The following CTIF variants were observed in gnomAD, a reference collection of about 807,000 sequenced individuals.
CTIF encodes cap binding complex dependent translation initiation factor, also known as CBP80/20-dependent translation initiation factor.
CTIF carries 21 observed loss-of-function variants against 66.0 expected under a neutral mutation model. The ratio of observed to expected loss-of-function variants is 0.32; its 90% CI spans 0.23 to 0.46. CTIF has a LOEUF of 0.46. CTIF is among the 20% of genes least tolerant of loss of function. CTIF has a pLI of 1.00. For missense variants in CTIF, 739 were observed against 812.7 expected, an observed-to-expected ratio of 0.91 and a Z score of 1.10; for synonymous variants, 345 against 326.4, an observed-to-expected ratio of 1.06 and a Z score of -0.62.
intron 3 of CTIF, among the ~76,000 whole-genome samples, chr18:48,657,889 G>T (rs1193698415): frequency 6.6e-6 from 1 of 152,168 alleles, no homozygotes; most frequent in Non-Finnish European, 1.5e-5. Context: ...GCCGAGCTTG[G>T]GTCCCCTTCT....
chr18:48,636,338 G>A (rs2090821537), intron 2 of CTIF, among the ~76,000 whole-genome samples: 1 of 152,248 alleles, frequency 6.6e-6, no homozygotes, highest in African/African-American at 2.4e-5. Flanking sequence ...ATATCTGGCT[G>A]ACTTTGGGAT....
intron 2 of CTIF, among the ~76,000 whole-genome samples, chr18:48,629,390 G>A (rs2090661785): frequency 6.6e-6 from 1 of 152,092 alleles, no homozygotes; most frequent in African/African-American, 2.4e-5. Context: ...TACTACATTT[G>A]TACCCACACT....
In CTIF at chr18:48,742,151, G is replaced by C. The variant is rs144855221; in HGVS notation, c.585-15768G>C. Reference sequence around the variant, plus strand: ...TAGGAAAAGGTCCTGGGACAGACAGGGCTTTTCTCATGGGCCAGGGTGACC... The same window carrying C: ...TAGGAAAAGGTCCTGGGACAGACAGCGCTTTTCTCATGGGCCAGGGTGACC... On this transcript the variant is annotated intron_variant, in intron 7 of 11. Coordinates refer to ENST00000256413, the MANE Select transcript of CTIF (RefSeq NM_014772.3). Among the ~76,000 whole-genome samples the C allele has an allele frequency of 3.6e-3, 542 of 152,304 alleles. 4 individuals carry two copies. Among genetic ancestry groups the C allele is most frequent in the Non-Finnish European group, 3.3e-3 (226 of 68,036 alleles).
intron 1 of CTIF, among the ~76,000 whole-genome samples, chr18:48,591,895 G>A (rs971203915): frequency 6.6e-6 from 1 of 152,224 alleles, no homozygotes; most frequent in Admixed American, 6.5e-5. Flanking sequence ...CTGCAGGCAT[G>A]CACCACCATG....
intron 1 of CTIF, among the ~76,000 whole-genome samples, chr18:48,589,656 C>A (rs978826873): frequency 4.6e-5 from 7 of 152,180 alleles, no homozygotes; most frequent in Non-Finnish European, 7.4e-5. Context: ...CACTGGTTCA[C>A]CTTGTGGGTG....
chr18:48,688,659 G>C (rs2091881147), intron 6 of CTIF, among the ~76,000 whole-genome samples: 1 of 152,244 alleles, frequency 6.6e-6, no homozygotes, highest in Admixed American at 6.5e-5. Context: ...CTCAGCCACT[G>C]ACTTGGGGCC....
chr18:48,655,545 G>A (rs1488286072), intron 3 of CTIF, among the ~76,000 whole-genome samples: 1 of 152,222 alleles, frequency 6.6e-6, no homozygotes, highest in Non-Finnish European at 1.5e-5. Flanking sequence ...TGAGAAGGGT[G>A]TGGACTGGGA....
chr18:48,564,849 G>A (rs1449304585), intron 1 of CTIF: 4 of 151,960 alleles, frequency 2.6e-5, no homozygotes, highest in Non-Finnish European at 5.9e-5. Context: ...GAACCCCTGG[G>A]CCCCAGCAAT....
intron 7 of CTIF, among the ~76,000 whole-genome samples, chr18:48,748,236 T>A (rs920500828): frequency 6.6e-6 from 1 of 151,834 alleles, no homozygotes; most frequent in African/African-American, 2.4e-5. Context: ...CTGCTCAACC[T>A]CTCCCAAGGG....
At chr18:48,633,920 C>T (rs938319949) in intron 2 of CTIF, among the ~76,000 whole-genome samples, 8 of 152,112 alleles carry the variant, frequency 5.3e-5, no homozygotes, top group African/African-American at 1.2e-4. Flanking sequence ...ACTATAGAAC[C>T]ATTATCAGAA....
At chr18:48,646,752 A>AT (rs1203053092) in intron 3 of CTIF, among the ~76,000 whole-genome samples, 5 of 151,882 alleles carry the variant, frequency 3.3e-5, no homozygotes, top group African/African-American at 1.2e-4. Flanking sequence ...CTCAAAAAAA[A>AT]AAAAGAAAAT....
intron 1 of CTIF, among the ~76,000 whole-genome samples, chr18:48,617,665 C>A (rs1208912688): frequency 5.3e-5 from 8 of 152,192 alleles, no homozygotes; most frequent in Non-Finnish European, 1.0e-4. Context: ...GACAGTACCT[C>A]CCATGCCCCT....
At chr18:48,578,547 T>G (rs1170523400) in intron 1 of CTIF, among the ~76,000 whole-genome samples, 1 of 152,234 alleles carries the variant, frequency 6.6e-6, no homozygotes, top group Non-Finnish European at 1.5e-5. Flanking sequence ...CTCATTGTGG[T>G]TTTGATTTGC....
At chr18:48,840,874 C>T (rs2068924193) in intron 10 of CTIF, among the ~76,000 whole-genome samples, 1 of 139,228 alleles carries the variant, frequency 7.2e-6, no homozygotes, top group African/African-American at 2.6e-5. Flanking sequence ...CACCCCCACC[C>T]CCACCCCCAC....
chr18:48,641,330 C>G (rs1001505988), intron 3 of CTIF, among the ~76,000 whole-genome samples: 1 of 152,198 alleles, frequency 6.6e-6, no homozygotes, highest in African/African-American at 2.4e-5. Context: ...ACAGCACAGC[C>G]TCTGATTAGA....
chr18:48,542,017 G>T (rs2088633754), intron 1 of CTIF, among the ~76,000 whole-genome samples: 1 of 151,990 alleles, frequency 6.6e-6, no homozygotes, highest in Non-Finnish European at 1.5e-5. Context: ...AATTAATAGT[G>T]GCCACTTTTT....
chr18:48,551,802 CTT>C (rs201914756), intron 1 of CTIF, among the ~76,000 whole-genome samples: 8 of 143,784 alleles, frequency 5.6e-5, no homozygotes, highest in Non-Finnish European at 6.1e-5. Flanking sequence ...CTTTCTTTTT[CTT>C]TTTTTTTTTT....
intron 7 of CTIF, among the ~76,000 whole-genome samples, chr18:48,747,925 A>G (rs991150824): frequency 2.4e-4 from 37 of 151,270 alleles, no homozygotes; most frequent in Admixed American, 1.6e-3. Flanking sequence ...CCCTGACTCT[A>G]AGAAATAATA....
chr18:48,655,967 G>C (rs1355290209), intron 3 of CTIF, among the ~76,000 whole-genome samples: 4 of 152,242 alleles, frequency 2.6e-5, no homozygotes, highest in Admixed American at 2.6e-4. Context: ...TAGAAGATTT[G>C]TTGTTTTCAC....
Sources: gnomAD v4.1 joint callset for allele counts (sites outside exome capture counted in the v4.1 genomes callset) on GRCh38, gnomAD v4.1.1 for gene constraint, MANE v1.5 for transcripts, NCBI Gene and HGNC (gene_info 2026-07-23, HGNC 2026-07-21) for gene names.